The following UBXN7 variants were observed in gnomAD, a reference collection of about 807,000 sequenced individuals.
UBXN7 encodes UBX domain protein 7.
UBXN7 carries 9 observed loss-of-function variants against 58.0 expected under a neutral mutation model. The ratio of observed to expected loss-of-function variants is 0.16; its 90% CI spans 0.09 to 0.27. The LOEUF (loss-of-function observed/expected upper bound fraction) is 0.27. UBXN7 is among the 10% of genes least tolerant of loss of function. The pLI is 1.00. For missense variants in UBXN7, 328 were observed against 599.6 expected (o/e 0.55, Z 4.73); for synonymous variants, 208 against 205.0 (o/e 1.01, Z -0.12).
At position 196,355,357 on chromosome 3, in the gene UBXN7, C is replaced by T. The variant is rs550245945; in HGVS notation, c.*1328G>A. 18 of 152,152 alleles carry T rather than the reference C, an allele frequency of 1.2e-4. No homozygotes were observed. The highest frequency in any genetic ancestry group is 2.2e-4 in the Non-Finnish European group (15 of 68,030). The allele number at this position is 152,152 out of a possible 1,614,324, so 9.4% of individuals were successfully genotyped here. ...AAGTTGATGTGTAAATGGTATTCTA[C>T]AGATTCAAGATGGCCTCTTCTAAAA... is the stretch of plus-strand genomic sequence containing the variant. On this transcript the variant is annotated 3_prime_UTR_variant, in exon 11 of 11. Coordinates refer to ENST00000296328, the MANE Select transcript of UBXN7 (RefSeq NM_015562.2).
intron 5 of UBXN7, among the ~76,000 whole-genome samples, chr3:196,389,095 A>T (rs975559697): frequency 1.3e-5 from 2 of 152,250 alleles, no homozygotes; most frequent in Non-Finnish European, 2.9e-5. Flanking sequence ...AATCAAGCTT[A>T]GTTACTGCAT....
Position 196,396,550 on chromosome 3 carries a change from C to T in UBXN7, c.290-2931G>A, listed in dbSNP as rs531500683. ...GACCGAGGTGGGTGGATCACGAGGTCGGGAGATTGAGACCATACTGGCTAA... is the reference window on the plus strand; with the variant it reads ...GACCGAGGTGGGTGGATCACGAGGTTGGGAGATTGAGACCATACTGGCTAA... On this transcript the variant is annotated intron_variant, in intron 3 of 10. Transcript: ENST00000296328. Among the ~76,000 whole-genome samples, 159 of 152,110 alleles carry T rather than the reference C, an allele frequency of 1.0e-3. 2 individuals carry two copies. Among genetic ancestry groups the T allele is most frequent in the African/African-American group, 3.5e-3 (145 of 41,496 alleles).
At chr3:196,384,707 T>C (rs927871185) in intron 5 of UBXN7, among the ~76,000 whole-genome samples, 14 of 152,268 alleles carry the variant, frequency 9.2e-5, no homozygotes, top group Admixed American at 1.3e-4. Flanking sequence ...AACCACATGA[T>C]TATCTCAATA....
At chr3:196,375,890 G>A (rs1283383198) in intron 5 of UBXN7, among the ~76,000 whole-genome samples, 2 of 152,168 alleles carry the variant, frequency 1.3e-5, no homozygotes, top group Non-Finnish European at 2.9e-5. Context: ...TTAGACGAGC[G>A]TGGTGGCGCA....
chr3:196,394,338 ACCT>A (rs1729698000), intron 3 of UBXN7, among the ~76,000 whole-genome samples: 1 of 147,152 alleles, frequency 6.8e-6, no homozygotes, highest in Admixed American at 6.9e-5. Flanking sequence ...TGTAGCTCAC[ACCT>A]CCTGTAATCC....
chr3:196,432,264 C>A (rs754789367), intron 1 of UBXN7, 63 bp downstream of exon 1: 36 of 1,596,274 alleles, frequency 2.3e-5, no homozygotes, highest in Non-Finnish European at 2.9e-5. Flanking sequence ...AGGGGAAGCC[C>A]GGGGCAGACC....
At chr3:196,369,639 T>C (rs549843168) in intron 6 of UBXN7, 128 bp from the exon 7 acceptor site, 4 of 632,236 alleles carry the variant, frequency 6.3e-6, no homozygotes, top group South Asian at 6.3e-5. Context: ...ATCTCACTCC[T>C]ACACTAAAAA....
chr3:196,402,577 T>A (rs1385214746), intron 3 of UBXN7, among the ~76,000 whole-genome samples: 1 of 152,126 alleles, frequency 6.6e-6, no homozygotes, highest in African/African-American at 2.4e-5. Context: ...GTGCCCTTCA[T>A]CCACATGAGG....
intron 5 of UBXN7, among the ~76,000 whole-genome samples, chr3:196,377,279 G>C (rs939158705): frequency 6.6e-6 from 1 of 152,180 alleles, no homozygotes; most frequent in Non-Finnish European, 1.5e-5. Context: ...TTTGGCCTCA[G>C]TGCTCTGCTC....
intron 3 of UBXN7, chr3:196,397,396 G>T (rs547129380): frequency 2.0e-5 from 3 of 152,204 alleles, no homozygotes; most frequent in Non-Finnish European, 4.4e-5. Flanking sequence ...ATCTGCTTCT[G>T]CATTCCTTTA....
At chr3:196,385,184 G>C (rs1437791341) in intron 5 of UBXN7, among the ~76,000 whole-genome samples, 1 of 152,202 alleles carries the variant, frequency 6.6e-6, no homozygotes, top group Non-Finnish European at 1.5e-5. Context: ...CGTATTTTTT[G>C]GTGGAGACGG....
intron 1 of UBXN7, among the ~76,000 whole-genome samples, chr3:196,412,190 C>T (rs931108019): frequency 3.7e-5 from 5 of 134,550 alleles, no homozygotes; most frequent in African/African-American, 1.4e-4. Flanking sequence ...GAGATCACAC[C>T]ACTGCACTCC....
chr3:196,354,466 G>A lies in UBXN7; in HGVS notation c.*2219C>T, dbSNP rs889552675. On this transcript the variant is annotated 3_prime_UTR_variant, in exon 11 of 11. Coordinates refer to ENST00000296328, the MANE Select transcript of UBXN7 (RefSeq NM_015562.2). Reference sequence around the variant, plus strand: ...AATGATTGACTTCACACGTTTGAGCGATTTGGGCTTCAGCTATGACTTTGC... The same window carrying A: ...AATGATTGACTTCACACGTTTGAGCAATTTGGGCTTCAGCTATGACTTTGC... The A allele has an allele frequency of 5.9e-5, 9 of 152,206 alleles. No homozygotes were observed. The highest frequency in any genetic ancestry group is 2.0e-4 in the Admixed American group (3 of 15,270). The allele number at this position is 152,206 out of a possible 1,614,324, so 9.4% of individuals were successfully genotyped here.
chr3:196,387,881 G>A (rs1158830817), intron 5 of UBXN7, among the ~76,000 whole-genome samples: 1 of 152,154 alleles, frequency 6.6e-6, no homozygotes, highest in Non-Finnish European at 1.5e-5. Flanking sequence ...GGAAGACAGT[G>A]TGGCGATTCC....
At chr3:196,426,301 A>T (rs1344789155) in intron 1 of UBXN7, among the ~76,000 whole-genome samples, 1 of 149,338 alleles carries the variant, frequency 6.7e-6, no homozygotes, top group Non-Finnish European at 1.5e-5. Flanking sequence ...CAGGAGAATC[A>T]CTTGAACCGG....
intron 1 of UBXN7, among the ~76,000 whole-genome samples, chr3:196,426,869 A>T (rs1392639692): frequency 6.6e-6 from 1 of 151,898 alleles, no homozygotes; most frequent in Non-Finnish European, 1.5e-5. Flanking sequence ...AAAGAACATG[A>T]ATGGAAATTG....
intron 5 of UBXN7, among the ~76,000 whole-genome samples, chr3:196,388,389 T>C (rs1024140590): frequency 5.3e-4 from 80 of 152,038 alleles, no homozygotes; most frequent in Non-Finnish European, 7.6e-4. Flanking sequence ...ATGGCACATG[T>C]ATACCTATGT....
Position 196,354,401 on chromosome 3 carries a change from G to C in UBXN7, c.*2284C>G, listed in dbSNP as rs1328548209. On this transcript the variant is annotated 3_prime_UTR_variant, in exon 11 of 11. Coordinates refer to ENST00000296328, the MANE Select transcript of UBXN7 (RefSeq NM_015562.2). ...TCTCCCAACTGTTTTATCAAGAGAAGCTAGAAGGTAAAGAAAAGGAAACAG... is the reference window on the plus strand; with the variant it reads ...TCTCCCAACTGTTTTATCAAGAGAACCTAGAAGGTAAAGAAAAGGAAACAG... 1 of 152,206 alleles carries C rather than the reference G, an allele frequency of 6.6e-6. No homozygotes were observed. Among genetic ancestry groups the C allele is most frequent in the Non-Finnish European group, 1.5e-5 (1 of 68,042 alleles). 9.4% of individuals were successfully genotyped at this position (152,206 alleles called of 1,614,324 possible). A position where few individuals can be genotyped will look rare whatever the true frequency, so the allele number is the denominator to read the frequency against.
intron 5 of UBXN7, among the ~76,000 whole-genome samples, chr3:196,381,006 G>C (rs867538073): frequency 4.1e-4 from 62 of 152,252 alleles, no homozygotes; most frequent in Admixed American, 2.4e-3. Context: ...GCCCACCACA[G>C]CTCAACAAGG....
Sources: gnomAD v4.1 joint callset for allele counts (sites outside exome capture counted in the v4.1 genomes callset) on GRCh38, gnomAD v4.1.1 for gene constraint, MANE v1.5 for transcripts, NCBI Gene and HGNC (gene_info 2026-07-23, HGNC 2026-07-21) for gene names.